The following TTC19 variants were observed in gnomAD, a reference collection of about 807,000 sequenced individuals.
TTC19 encodes tetratricopeptide repeat protein 19, mitochondrial.
TTC19 carries 38 observed loss-of-function variants against 49.5 expected under a neutral mutation model. The observed-to-expected ratio is 0.77, with a 90% CI of 0.59 to 1.01. TTC19 has a LOEUF of 1.01. Ranked by LOEUF, TTC19 falls within the 50% of genes least tolerant of loss-of-function variation. The pLI is 0.00. For synonymous variants in TTC19, 204 were observed against 185.2 expected (o/e 1.10, Z -0.83); for missense variants, 475 against 477.7 (o/e 0.99, Z 0.05).
At chr17:16,020,270 A>G (rs978482625) in intron 7 of TTC19, among the ~76,000 whole-genome samples, 1 of 152,102 alleles carries the variant, frequency 6.6e-6, no homozygotes, top group Non-Finnish European at 1.5e-5. Flanking sequence ...TGGCTTCACT[A>G]TGTGTTTCTG....
chr17:16,040,453 C>T (rs1440106574), intron 2 of TTC19: 1 of 1,613,634 alleles, frequency 6.2e-7, no homozygotes, highest in Non-Finnish European at 8.5e-7. Flanking sequence ...GACGTAGTAA[C>T]TGCTGGCAGA....
intron 2 of TTC19, chr17:16,040,651 T>C (rs1278156729): frequency 5.5e-6 from 4 of 729,374 alleles, no homozygotes; most frequent in Non-Finnish European, 6.9e-6. Flanking sequence ...TGGAAGTATT[T>C]TTTTTTTTTG....
intron 2 of TTC19, 94 bp from the exon 3 acceptor site, chr17:16,001,821 A>C (rs1970744918): frequency 1.2e-6 from 1 of 811,408 alleles, no homozygotes; most frequent in Admixed American, 1.9e-5. Context: ...GCTTCCTTCT[A>C]TCAGTTGGGA....
intron 6 of TTC19, 96 bp downstream of exon 6, chr17:16,004,358 C>A (rs1042851381): frequency 1.7e-6 from 2 of 1,197,196 alleles, no homozygotes; most frequent in African/African-American, 3.0e-5. Context: ...CTGGGTCTCC[C>A]AGAAATTGGG....
Position 16,026,588 on chromosome 17 carries a change from C to T in TTC19, c.880C>T (p.Arg294Cys), listed in dbSNP as rs370754599. 2.4e-5 allele frequency: 39 copies of T among 1,613,992 alleles called. No homozygotes were observed. The highest frequency in any genetic ancestry group is 1.5e-4 in the Admixed American group (9 of 59,990). Reference protein sequence around the residue: ...DLATTLDAQGRFDEAYIYMQR... With the variant: ...DLATTLDAQGCFDEAYIYMQR... The stretch of plus-strand genomic sequence containing the variant: ...GGCTACTACCCTGGATGCACAGGGC[C>T]GCTTTGATGAGGCCTATATTTATAT... The change falls in exon 9 of 10, where the codon CGC becomes TGC. Residue 294 changes from arginine (R) to cysteine (C), a missense_variant. Physicochemically the swap from Arg to Cys is radical, Grantham distance 180. Coordinates refer to ENST00000261647, the MANE Select transcript of TTC19 (RefSeq NM_017775.4).
At chr17:16,002,622 C>T (rs902587304) in intron 3 of TTC19, 171 bp from the exon 4 acceptor site, 3 of 666,168 alleles carry the variant, frequency 4.5e-6, no homozygotes, top group Non-Finnish European at 8.1e-6. Flanking sequence ...GTATTTAATT[C>T]TCACATGATT....
At chr17:16,004,866 C>T (rs1291670146) in intron 6 of TTC19, among the ~76,000 whole-genome samples, 1 of 152,214 alleles carries the variant, frequency 6.6e-6, no homozygotes, top group South Asian at 2.1e-4. Flanking sequence ...TCACCAGCTC[C>T]TTTGTTCTCA....
chr17:16,006,666 A>G (rs1970918709), intron 7 of TTC19, 98 bp downstream of exon 7: 2 of 871,962 alleles, frequency 2.3e-6, no homozygotes, highest in Non-Finnish European at 3.8e-6. Flanking sequence ...GAAGAGGGAA[A>G]GTTACCTATT....
At chr17:16,034,833 A>G in intron 2 of TTC19, 1 of 1,614,114 alleles carries the variant, frequency 6.2e-7, no homozygotes, top group Non-Finnish European at 8.5e-7. Flanking sequence ...TTCTGAATGT[A>G]CAGAGGAGAC....
intron 2 of TTC19, among the ~76,000 whole-genome samples, chr17:16,034,568 AT>A (rs1433652303): frequency 1.3e-5 from 2 of 152,126 alleles, no homozygotes; most frequent in African/African-American, 4.8e-5. Flanking sequence ...TGATCATGCC[AT>A]TGCATTCCAG....
intron 6 of TTC19, among the ~76,000 whole-genome samples, chr17:16,004,765 G>T (rs1339368108): frequency 6.6e-6 from 1 of 152,172 alleles, no homozygotes; most frequent in Admixed American, 6.5e-5. Context: ...TGCAGAAGTT[G>T]GTGCGAGAGG....
chr17:16,018,055 C>T (rs962533118), intron 7 of TTC19, among the ~76,000 whole-genome samples: 2 of 152,180 alleles, frequency 1.3e-5, no homozygotes, highest in South Asian at 4.1e-4. Flanking sequence ...TCCTTCTTTC[C>T]CTTTTCCTCA....
chr17:16,011,882 G>A (rs1022896192), intron 7 of TTC19, among the ~76,000 whole-genome samples: 8 of 152,076 alleles, frequency 5.3e-5, no homozygotes, highest in African/African-American at 1.9e-4. Flanking sequence ...GCTCAAAAAG[G>A]GTTTGTTAGT....
chr17:16,037,184 T>C (rs979121331), intron 2 of TTC19, among the ~76,000 whole-genome samples: 1 of 152,326 alleles, frequency 6.6e-6, no homozygotes, highest in African/African-American at 2.4e-5. Flanking sequence ...ACACCACCTT[T>C]ATGGGTTGTT....
chr17:16,006,131 C>T (rs537860556), intron 6 of TTC19, among the ~76,000 whole-genome samples: 35 of 152,142 alleles, frequency 2.3e-4, no homozygotes, highest in Non-Finnish European at 3.7e-4. Flanking sequence ...GTAAATGGGC[C>T]GGGCGCAGTG....
Position 16,027,626 on chromosome 17 carries a change from T to C in TTC19, c.*104T>C, listed in dbSNP as rs747393486. 58 of 1,386,622 alleles carry C rather than the reference T, an allele frequency of 4.2e-5. No homozygotes were observed. The highest frequency in any genetic ancestry group is 5.4e-5 in the Non-Finnish European group (54 of 990,972). The allele number at this position is 1,386,622 out of a possible 1,614,324, so 85.9% of individuals were successfully genotyped here. ...AATGGCTTAAATCTGTCGTTTTTGA[T>C]ATTCAGGTTTCCTCAATTTAGCCTT... On this transcript the variant is annotated 3_prime_UTR_variant, in exon 10 of 10. Transcript: ENST00000261647.
chr17:16,040,131 T>G, intron 2 of TTC19: 1 of 517,172 alleles, frequency 1.9e-6, no homozygotes, highest in Admixed American at 2.3e-5. Flanking sequence ...TAAGGAAATT[T>G]GTTTCCCAAG....
chr17:15,999,931 T>C lies in TTC19; in HGVS notation c.83T>C (p.Leu28Pro), dbSNP rs1276031165. The change falls in exon 1 of 10, where the codon CTG becomes CCG. Residue 28 changes from leucine (L) to proline (P), a missense_variant. Transcript: ENST00000261647. ...GRRCRGCSAR[L>P]LPGLAGGPGP... ...CGGTGCCGGGGCTGCTCCGCGCGCCTGCTCCCGGGGCTGGCAGGAGGTCCG... is the reference window on the plus strand; with the variant it reads ...CGGTGCCGGGGCTGCTCCGCGCGCCCGCTCCCGGGGCTGGCAGGAGGTCCG... The C allele has an allele frequency of 4.5e-6, 6 of 1,339,160 alleles. No individual in the cohort carries two copies. Among genetic ancestry groups the C allele is most frequent in the Non-Finnish European group, 5.7e-6 (6 of 1,052,958 alleles). 83.0% of individuals were successfully genotyped at this position (1,339,160 alleles called of 1,614,324 possible). A position where few individuals can be genotyped will look rare whatever the true frequency, so the allele number is the denominator to read the frequency against.
chr17:16,016,193 G>C (rs1308323369), intron 7 of TTC19, among the ~76,000 whole-genome samples: 1 of 152,068 alleles, frequency 6.6e-6, no homozygotes, highest in African/African-American at 2.4e-5. Context: ...ATTAATTTTG[G>C]TAAGTTATAT....
Sources: allele counts gnomAD v4.1 joint callset (sites outside exome capture counted in the v4.1 genomes callset), GRCh38; gene constraint gnomAD v4.1.1; transcripts MANE v1.5; gene names NCBI Gene and HGNC (gene_info 2026-07-23, HGNC 2026-07-21).